SIK3: variants seen among roughly 807,000 people sequenced by gnomAD.
The protein encoded by SIK3 is serine/threonine-protein kinase SIK3.
SIK3 carries 28 observed loss-of-function variants against 144.2 expected under a neutral mutation model. The ratio of observed to expected loss-of-function variants is 0.19; its 90% confidence interval spans 0.14 to 0.27. The LOEUF is 0.27. Among genes scored for constraint, SIK3 ranks in the 10% least tolerant of loss-of-function variants. The pLI is 1.00. For missense variants in SIK3, 1,319 were observed against 1,776.0 expected (o/e 0.74, Z 4.62); for synonymous variants, 686 against 676.3 (o/e 1.01, Z -0.22).
At chr11:117,011,412 TG>T (rs1565553934) in intron 1 of SIK3, among the ~76,000 whole-genome samples, 1 of 152,180 alleles carries the variant, frequency 6.6e-6, no homozygotes, top group African/African-American at 2.4e-5. Context: ...AGAGATGATT[TG>T]GGATGAGTCA....
intron 1 of SIK3, among the ~76,000 whole-genome samples, chr11:117,091,200 C>CTTTTTTTTTTTTTTT (rs386375011): frequency 6.5e-5 from 6 of 93,008 alleles, no homozygotes; most frequent in East Asian, 3.1e-4. Flanking sequence ...TTTTTTTTTT[C>CTTTTTTTTTTTTTTT]TTTTTTTTTT....
chr11:117,064,130 T>C (rs917890167), intron 1 of SIK3, among the ~76,000 whole-genome samples: 9 of 152,146 alleles, frequency 5.9e-5, no homozygotes, highest in Non-Finnish European at 1.0e-4. Flanking sequence ...AAGGTCAACA[T>C]CCTTCAGGGT....
intron 1 of SIK3, among the ~76,000 whole-genome samples, chr11:117,091,281 T>C (rs1435182080): frequency 4.3e-5 from 6 of 139,754 alleles, no homozygotes; most frequent in Non-Finnish European, 4.6e-5. Flanking sequence ...CTCGGCTCAC[T>C]GCAACCTCTG....
chr11:116,949,588 T>A (rs1253788059), intron 3 of SIK3, among the ~76,000 whole-genome samples: 4 of 152,190 alleles, frequency 2.6e-5, no homozygotes, highest in Admixed American at 2.0e-4. Flanking sequence ...GCTCGAGCCA[T>A]CCTCCTGCCT....
intron 1 of SIK3, among the ~76,000 whole-genome samples, chr11:117,093,280 G>A (rs1470539472): frequency 6.6e-6 from 1 of 152,158 alleles, no homozygotes; most frequent in Non-Finnish European, 1.5e-5. Context: ...TGAAAATAAT[G>A]CTTTTAGCCC....
chr11:116,982,455 ATTGT>A (rs1348188796), intron 1 of SIK3, among the ~76,000 whole-genome samples: 4 of 151,632 alleles, frequency 2.6e-5, no homozygotes, highest in Non-Finnish European at 5.9e-5. Flanking sequence ...CGCCCAGCTA[ATTGT>A]TTGTATTTTT....
intron 6 of SIK3, among the ~76,000 whole-genome samples, chr11:116,886,399 T>C (rs954039366): frequency 1.3e-5 from 2 of 152,230 alleles, no homozygotes; most frequent in African/African-American, 2.4e-5. Context: ...CCAAGCAAGA[T>C]GCTGTGTGGT....
intron 1 of SIK3, among the ~76,000 whole-genome samples, chr11:117,040,898 A>G (rs1952710927): frequency 6.6e-6 from 1 of 150,420 alleles, no homozygotes; most frequent in Non-Finnish European, 1.5e-5. Context: ...TGAAATGGTT[A>G]CTATAGTCAA....
At chr11:117,054,965 T>C (rs1346053234) in intron 1 of SIK3, among the ~76,000 whole-genome samples, 1 of 152,194 alleles carries the variant, frequency 6.6e-6, no homozygotes, top group Non-Finnish European at 1.5e-5. Context: ...CTAATATTTA[T>C]TAAGATATTA....
intron 1 of SIK3, among the ~76,000 whole-genome samples, chr11:117,009,002 AG>A (rs1365199974): frequency 6.6e-6 from 1 of 152,114 alleles, no homozygotes; most frequent in Non-Finnish European, 1.5e-5. Context: ...TGGGAGGCCG[AG>A]GCAGGTGGAT....
chr11:117,064,254 T>C (rs1306611049), intron 1 of SIK3, among the ~76,000 whole-genome samples: 1 of 152,190 alleles, frequency 6.6e-6, no homozygotes, highest in African/African-American at 2.4e-5. Flanking sequence ...GTGCCTGTAT[T>C]ATCTAATTTA....
intron 4 of SIK3, among the ~76,000 whole-genome samples, chr11:116,915,861 T>A (rs932478163): frequency 6.6e-6 from 1 of 152,158 alleles, no homozygotes; most frequent in African/African-American, 2.4e-5. Context: ...GTAAACTTAA[T>A]AAAATACAAT....
At chr11:117,036,122 G>C in intron 1 of SIK3, 1 of 556,066 alleles carries the variant, frequency 1.8e-6, no homozygotes, top group South Asian at 2.8e-5. Context: ...GTCTCACTTT[G>C]TCACCTAGGC....
chr11:116,991,480 T>A (rs894648193), intron 1 of SIK3, among the ~76,000 whole-genome samples: 3 of 152,146 alleles, frequency 2.0e-5, no homozygotes, highest in South Asian at 4.1e-4. Flanking sequence ...CATTAGAGAA[T>A]GCTTTCTAAA....
At chr11:117,087,391 C>T (rs539516046) in intron 1 of SIK3, among the ~76,000 whole-genome samples, 1 of 151,986 alleles carries the variant, frequency 6.6e-6, no homozygotes, top group East Asian at 1.9e-4. Flanking sequence ...TGCAGTGAGC[C>T]GAGATCGCAC....
chr11:116,953,754 G>C (rs1949038837), intron 3 of SIK3, among the ~76,000 whole-genome samples: 1 of 152,224 alleles, frequency 6.6e-6, no homozygotes, highest in Non-Finnish European at 1.5e-5. Flanking sequence ...AAACAGGAAA[G>C]ACCCTAAGTC....
rs1263922556 is a variant in SIK3 at position 116,858,719 on chromosome 11, T to C, written c.2766-20A>G. Reference sequence around the variant, plus strand: ...TTCAAGCTGCAGACACAAAAGGGAGTACCAGACATCCATGTAACAAGTACT... The same window carrying C: ...TTCAAGCTGCAGACACAAAAGGGAGCACCAGACATCCATGTAACAAGTACT... On this transcript the variant is annotated intron_variant, in intron 20 of 24. Transcript: ENST00000445177. This position sits in a 1 kb window ranked among gnomAD's most constrained non-coding sequence, Gnocchi z 5.4. The C allele has an allele frequency of 1.3e-6, 2 of 1,521,920 alleles. No homozygotes were observed. Among genetic ancestry groups the C allele is most frequent in the South Asian group, 2.6e-5 (2 of 76,170 alleles). 94.3% of individuals were successfully genotyped at this position (1,521,920 alleles called of 1,614,324 possible).
intron 1 of SIK3, among the ~76,000 whole-genome samples, chr11:117,041,277 T>A (rs1342604497): frequency 2.0e-5 from 3 of 152,244 alleles, no homozygotes; most frequent in Admixed American, 1.3e-4. Flanking sequence ...AAGCCAGGTT[T>A]CACAGGTAAT....
intron 6 of SIK3, among the ~76,000 whole-genome samples, chr11:116,892,769 G>T (rs889993612): frequency 6.6e-6 from 1 of 152,202 alleles, no homozygotes; most frequent in African/African-American, 2.4e-5. Flanking sequence ...CCTGCACAAA[G>T]ATGTTACAGT....
Sources: gnomAD v4.1 joint callset for allele counts (sites outside exome capture counted in the v4.1 genomes callset) on GRCh38, gnomAD v4.1.1 for gene constraint, Gnocchi (gnomAD v3.1) non-coding constraint, MANE v1.5 for transcripts, NCBI Gene and HGNC (gene_info 2026-07-23, HGNC 2026-07-21) for gene names.